TP73: variants seen among roughly 807,000 people sequenced by gnomAD.
The protein encoded by TP73 is tumor protein p73, also known as p53-like transcription factor.
Under a neutral mutation model 62.5 loss-of-function variants are expected in TP73, and 25 were observed. The observed-to-expected ratio is 0.40, with a 90% CI of 0.29 to 0.56. The LOEUF is 0.56. Ranked by LOEUF, TP73 falls within the 20% of genes least tolerant of loss-of-function variation. The pLI, the probability that TP73 is intolerant of heterozygous loss-of-function variation, is 0.46. For synonymous variants in TP73, 423 were observed against 377.5 expected, an observed-to-expected ratio of 1.12 and a Z score of -1.40; for missense variants, 754 against 913.3, an observed-to-expected ratio of 0.83 and a Z score of 2.25.
At chr1:3,682,031 C>A (rs1412429613) in intron 1 of TP73, among the ~76,000 whole-genome samples, 1 of 152,240 alleles carries the variant, frequency 6.6e-6, no homozygotes, top group Admixed American at 6.5e-5. Context: ...GTTGCTGTCA[C>A]CCCCTCTTCC....
rs111294354 is a variant in TP73, at chr1:3,672,444, C to T, written c.-33-9889C>T. Among the ~76,000 whole-genome samples, 199 of 152,166 alleles carry T rather than the reference C, an allele frequency of 1.3e-3. No individual in the cohort carries two copies. Among genetic ancestry groups the T allele is most frequent in the African/African-American group, 4.6e-3 (192 of 41,494 alleles). ...AGGACAGGGATGTGTCTGTGCAGAA[C>T]GAGGCTGTGGCAGCTCCAGCGAAGG... On this transcript the variant is annotated intron_variant, in intron 1 of 13. Transcript: ENST00000378295. The surrounding 1 kb of genome is among the most constrained non-coding windows in gnomAD (Gnocchi z 5.3).
At chr1:3,677,624 T>TGTG (rs1645402035) in intron 1 of TP73, among the ~76,000 whole-genome samples, 2 of 151,754 alleles carry the variant, frequency 1.3e-5, no homozygotes, top group Admixed American at 1.3e-4. Flanking sequence ...CTGCAAGACC[T>TGTG]GTGGTAATAC....
chr1:3,698,311 C>G (rs1010519136), intron 3 of TP73, among the ~76,000 whole-genome samples: 1 of 152,150 alleles, frequency 6.6e-6, no homozygotes, highest in Admixed American at 6.5e-5. Flanking sequence ...CCCGGGCACT[C>G]GGCATTCTGG....
At position 3,696,644 on chromosome 1, in the gene TP73, C is replaced by G. The variant is rs555928183; in HGVS notation, c.187-10905C>G. Among the ~76,000 whole-genome samples the G allele has an allele frequency of 6.6e-6, 1 of 152,036 alleles. No individual in the cohort carries two copies. The highest frequency in any genetic ancestry group is 2.4e-5 in the African/African-American group (1 of 41,382). On this transcript the variant is annotated intron_variant, in intron 3 of 13. Transcript: ENST00000378295. The surrounding 1 kb of genome is among the most constrained non-coding windows in gnomAD (Gnocchi z 4.1). ...GGACTGGGGCTTGGCAACCCAGAGG[C>G]TGCTGAGTTCCCACGGTTTGGAGAG...
chr1:3,692,564 TG>T (rs1287982546), intron 3 of TP73, among the ~76,000 whole-genome samples: 1 of 152,108 alleles, frequency 6.6e-6, no homozygotes, highest in Non-Finnish European at 1.5e-5. Flanking sequence ...CTGGGGCTCC[TG>T]GGGGGCTGCC....
chr1:3,690,633 T>C, intron 3 of TP73: 1 of 1,359,812 alleles, frequency 7.4e-7, no homozygotes. Flanking sequence ...GGATGAATAC[T>C]CATGAGGAAT....
In TP73 at chr1:3,727,705, AC is replaced by A; in HGVS notation, c.922del (p.His308ThrfsTer8). 1.3e-6 allele frequency: 2 copies of A among 1,581,504 alleles called. No individual in the cohort carries two copies. Among genetic ancestry groups the A allele is most frequent in the Non-Finnish European group, 1.7e-6 (2 of 1,165,780 alleles). On this transcript the variant is annotated frameshift_variant, in exon 8 of 14. Transcript: ENST00000378295. LOFTEE classifies it high-confidence loss of function. Reference sequence around the variant, plus strand: ...GGCCGCGACCGAAAAGCTGATGAGGACCACTACCGGGAGCAGCAGGCCCTGA... The same window carrying A: ...GGCCGCGACCGAAAAGCTGATGAGGACACTACCGGGAGCAGCAGGCCCTGA... Reference protein sequence around the residue: ...CPGRDRKADEDHYREQQALNE... With the variant: ...CPGRDRKADEXHYREQQALNE...
chr1:3,672,083 G>A lies in TP73; in HGVS notation c.-33-10250G>A, dbSNP rs540764135. Among the ~76,000 whole-genome samples, 12 of 152,214 alleles carry A rather than the reference G, an allele frequency of 7.9e-5. No individual in the cohort carries two copies. The highest frequency in any genetic ancestry group is 3.9e-4 in the East Asian group (2 of 5,168). On this transcript the variant is annotated intron_variant, in intron 1 of 13. Transcript: ENST00000378295. This position sits in a 1 kb window ranked among gnomAD's most constrained non-coding sequence, Gnocchi z 5.3. The stretch of plus-strand genomic sequence containing the variant: ...CCGCAGGGTAGGGAGTGGTCAGCAG[G>A]GAGACATGTCCACTGGTGCAGCGGG...
chr1:3,683,982 G>A (rs1645586088), intron 3 of TP73, among the ~76,000 whole-genome samples: 1 of 152,268 alleles, frequency 6.6e-6, no homozygotes, highest in African/African-American at 2.4e-5. Flanking sequence ...GGAGTCTCAA[G>A]CCCTGCCCCA....
intron 1 of TP73, among the ~76,000 whole-genome samples, chr1:3,665,708 G>A (rs1277704722): frequency 4.7e-5 from 7 of 149,144 alleles, no homozygotes; most frequent in Non-Finnish European, 1.0e-4. Flanking sequence ...AGGCTGGAGT[G>A]CAGTGGCATG....
At chr1:3,707,942 G>A (rs1639813594) in intron 4 of TP73, 151 bp downstream of exon 4, 2 of 1,329,738 alleles carry the variant, frequency 1.5e-6, no homozygotes, top group Non-Finnish European at 2.0e-6. Flanking sequence ...CATCGGGCAG[G>A]AGGCGGGTCT....
chr1:3,673,861 G>T (rs6671482), intron 1 of TP73, among the ~76,000 whole-genome samples: 2 of 151,984 alleles, frequency 1.3e-5, no homozygotes, highest in Non-Finnish European at 2.9e-5. Context: ...GGCAGGGTGC[G>T]GGGTGTGGCT....
intron 13 of TP73, among the ~76,000 whole-genome samples, chr1:3,732,016 C>T (rs1642170894): frequency 6.6e-6 from 1 of 152,250 alleles, no homozygotes; most frequent in Admixed American, 6.5e-5. Flanking sequence ...TGACTGCAGG[C>T]ACCATGATTA....
At chr1:3,727,248 G>A in intron 7 of TP73, 24 bp downstream of exon 7, 1 of 1,604,302 alleles carries the variant, frequency 6.2e-7, no homozygotes, top group Non-Finnish European at 8.5e-7. Context: ...ACACGGGGTG[G>A]AGGTGGGACA....
intron 3 of TP73, among the ~76,000 whole-genome samples, chr1:3,685,368 C>T (rs1222896139): frequency 2.0e-5 from 3 of 152,188 alleles, no homozygotes; most frequent in East Asian, 3.9e-4. Context: ...CTCGAACCTC[C>T]GCAAACAGCA....
chr1:3,721,973 G>T, intron 4 of TP73, 48 bp from the exon 5 acceptor site: 1 of 1,543,870 alleles, frequency 6.5e-7, no homozygotes, highest in Non-Finnish European at 8.8e-7. Context: ...CTGGACAGGG[G>T]TGCAGTTGGG....
intron 3 of TP73, among the ~76,000 whole-genome samples, chr1:3,688,399 A>G (rs934396524): frequency 7.9e-5 from 12 of 152,290 alleles, no homozygotes; most frequent in Non-Finnish European, 8.8e-5. Flanking sequence ...GCACCAGGAA[A>G]CGAAGTCCCC....
chr1:3,678,733 C>T (rs1042424390), intron 1 of TP73, among the ~76,000 whole-genome samples: 4 of 152,180 alleles, frequency 2.6e-5, no homozygotes, highest in African/African-American at 9.7e-5. Flanking sequence ...GGGGGCCTGT[C>T]CCAGGCTCTT....
intron 1 of TP73, among the ~76,000 whole-genome samples, chr1:3,655,495 A>G (rs1428366176): frequency 6.6e-6 from 1 of 152,150 alleles, no homozygotes; most frequent in East Asian, 1.9e-4. Context: ...ACCTTTTAAG[A>G]TATCTGTATG....
Sources: gnomAD v4.1 joint callset for allele counts (sites outside exome capture counted in the v4.1 genomes callset) on GRCh38, gnomAD v4.1.1 for gene constraint, Gnocchi (gnomAD v3.1) non-coding constraint, MANE v1.5 for transcripts, NCBI Gene and HGNC (gene_info 2026-07-23, HGNC 2026-07-21) for gene names.